Variants in FLII observed in about 807,000 individuals in gnomAD.
The protein encoded by FLII is FLII actin remodeling protein, also known as protein flightless-1 homolog.
FLII carries 101 observed loss-of-function variants against 156.2 expected under a neutral mutation model. That is an observed-to-expected ratio of 0.65 (90% CI 0.55 to 0.76). The LOEUF (loss-of-function observed/expected upper bound fraction) is 0.76, where lower values mean the gene tolerates loss of function less well. FLII is among the 30% of genes least tolerant of loss of function. The pLI is 0.00. For synonymous variants in FLII, 767 were observed against 685.8 expected (o/e 1.12, Z -1.85); for missense variants, 1,675 against 1,682.8 (o/e 1.00, Z 0.08).
chr17:18,254,066 G>C lies in FLII; in HGVS notation c.679+13C>G, dbSNP rs375502328. On this transcript the variant is annotated intron_variant, in intron 7 of 29. Coordinates refer to ENST00000327031, the MANE Select transcript of FLII (RefSeq NM_002018.4). ...GGGGCCCGAGCTCAGAGGGGCTCCT[G>C]GGGCTGCCTGACCTGCGAGGTTGCT... is the stretch of plus-strand genomic sequence containing the variant. 3.1e-6 allele frequency: 5 copies of C among 1,599,234 alleles called. No individual in the cohort carries two copies. Among genetic ancestry groups the C allele is most frequent in the Admixed American group, 3.4e-5 (2 of 58,944 alleles).
rs1338899409 is a variant in FLII, at chr17:18,245,672, G to C, written c.3504-12C>G. 1.9e-6 allele frequency: 3 copies of C among 1,613,164 alleles called. No individual in the cohort carries two copies. The East Asian group carries it at 6.7e-5, about 36-fold the overall frequency. ...TCTCGTTGGAGCACCTGGGAATCAA[G>C]GGTCAAGGTGAGGCCAGAGGTCATA... On this transcript the variant is annotated splice_polypyrimidine_tract_variant and intron_variant, in intron 27 of 29. Transcript: ENST00000327031.
At position 18,258,409 on chromosome 17, in the gene FLII, G is replaced by T. The variant is rs958625124; in HGVS notation, c.63+219C>A. 4.7e-5 allele frequency: 64 copies of T among 1,372,900 alleles called. No homozygotes were observed. Among genetic ancestry groups the T allele is most frequent in the Non-Finnish European group, 6.2e-5 (63 of 1,022,302 alleles). The allele number at this position is 1,372,900 out of a possible 1,614,324, so 85.0% of individuals were successfully genotyped here. A position where few individuals can be genotyped will look rare whatever the true frequency, so the allele number is the denominator to read the frequency against. On this transcript the variant is annotated intron_variant, in intron 1 of 29. Transcript: ENST00000327031. The surrounding 1 kb of genome is among the most constrained non-coding windows in gnomAD (Gnocchi z 4.2). ...CCCCGGCGGGACTCCGAGCCCAAGC[G>T]TCCGTCCCCGGCCTGCCCAGCCTCG...
chr17:18,246,529 C>T, intron 23 of FLII, 65 bp downstream of exon 23: 3 of 1,611,794 alleles, frequency 1.9e-6, no homozygotes, highest in South Asian at 1.1e-5. Flanking sequence ...GCCTAACCTT[C>T]GCTGGGTCTG....
At chr17:18,253,246 TC>T in intron 9 of FLII, 54 bp downstream of exon 9, 6 of 1,598,616 alleles carry the variant, frequency 3.8e-6, no homozygotes, top group South Asian at 1.1e-5. Flanking sequence ...CTGACTACGA[TC>T]CCGGGGTTCT....
At position 18,250,913 on chromosome 17, in the gene FLII, G is replaced by A. The variant is rs1383859420; in HGVS notation, c.1701C>T (p.Asn567=). The A allele has an allele frequency of 4.3e-6, 7 of 1,613,960 alleles. No homozygotes were observed. Among genetic ancestry groups the A allele is most frequent in the Admixed American group, 1.7e-5 (1 of 60,006 alleles). ...ACTCAGCACCCAGGTAGTTGCGCAAGTTGACAGCGTGGATGGCAGAGCAAG... is the reference window on the plus strand; with the variant it reads ...ACTCAGCACCCAGGTAGTTGCGCAAATTGACAGCGTGGATGGCAGAGCAAG... ...KKACSAIHAV[N]LRNYLGAECR... Residue 567 remains asparagine, a synonymous_variant, in exon 14 of 30, where the codon AAC becomes AAT. Coordinates refer to ENST00000327031, the MANE Select transcript of FLII (RefSeq NM_002018.4).
In FLII at chr17:18,254,201, T is replaced by A; in HGVS notation, c.576-19A>T. On this transcript the variant is annotated intron_variant, in intron 6 of 29. Coordinates refer to ENST00000327031, the MANE Select transcript of FLII (RefSeq NM_002018.4). ...GAGCTGCCTGCCAGGGTGACGTGAGTGGTCAGGGCCAGGGCCCACCTAGGG... is the reference window on the plus strand; with the variant it reads ...GAGCTGCCTGCCAGGGTGACGTGAGAGGTCAGGGCCAGGGCCCACCTAGGG... 1 of 1,582,972 alleles carries A rather than the reference T, an allele frequency of 6.3e-7. No homozygotes were observed. The highest frequency in any genetic ancestry group is 8.6e-7 in the Non-Finnish European group (1 of 1,162,840).
chr17:18,255,887 C>T (rs1420116371), intron 3 of FLII, among the ~76,000 whole-genome samples: 1 of 152,176 alleles, frequency 6.6e-6, no homozygotes, highest in Non-Finnish European at 1.5e-5. Flanking sequence ...AAGGTAGAAG[C>T]GATTTGTACA....
In FLII at chr17:18,247,162, C is replaced by T. The variant is rs1286742419; in HGVS notation, c.2676+7G>A. 1.3e-6 allele frequency: 2 copies of T among 1,506,230 alleles called. No individual in the cohort carries two copies. Among genetic ancestry groups the T allele is most frequent in the Non-Finnish European group, 1.8e-6 (2 of 1,125,038 alleles). 93.3% of individuals were successfully genotyped at this position (1,506,230 alleles called of 1,614,324 possible). On this transcript the variant is annotated splice_region_variant and intron_variant, in intron 21 of 29. Coordinates refer to ENST00000327031, the MANE Select transcript of FLII (RefSeq NM_002018.4). ...CCCCCGCGCCCCGGTCCCGGCCCTG[C>T]CCCCACCTCGGCCAGCGACATGGGC...
Position 18,258,387 on chromosome 17 carries a change from C to G in FLII, c.63+241G>C. On this transcript the variant is annotated intron_variant, in intron 1 of 29. Transcript: ENST00000327031. This position sits in a 1 kb window ranked among gnomAD's most constrained non-coding sequence, Gnocchi z 4.2. The stretch of plus-strand genomic sequence containing the variant: ...GGGTGGGGGCTCCCGGCCGGGCCCC[C>G]GGCGGGACTCCGAGCCCAAGCGTCC... The G allele has an allele frequency of 8.5e-7, 1 of 1,182,568 alleles. No individual in the cohort carries two copies. Among genetic ancestry groups the G allele is most frequent in the Non-Finnish European group, 1.2e-6 (1 of 859,332 alleles). The allele number at this position is 1,182,568 out of a possible 1,614,324, so 73.3% of individuals were successfully genotyped here.
chr17:18,245,254 G>T lies in FLII; in HGVS notation c.3694C>A (p.Arg1232=). 1 of 1,613,290 alleles carries T rather than the reference G, an allele frequency of 6.2e-7. No individual in the cohort carries two copies. The highest frequency in any genetic ancestry group is 8.5e-7 in the Non-Finnish European group (1 of 1,179,396). Residue 1232 remains arginine (R), a synonymous_variant, in exon 30 of 30, where the codon CGG becomes AGG. Transcript: ENST00000327031. ...KACQVYIQHM[R]SKEHERPRRL... ...CGCGGCCGCTCATGTTCCTTGGACC[G>T]CATGTGCTGGATATATACCTGGCAA...
Position 18,251,400 on chromosome 17 carries a change from G to A in FLII, c.1461C>T (p.Tyr487=). 1 of 1,613,534 alleles carries A rather than the reference G, an allele frequency of 6.2e-7. No individual in the cohort carries two copies. Among genetic ancestry groups the A allele is most frequent in the Non-Finnish European group, 8.5e-7 (1 of 1,179,994 alleles). The part of the protein sequence containing the change: ...DQGLEKPRLD[Y]SEFFTEDVGQ... ...CCACGTCCTCCGTGAAGAACTCGGA[G>A]TAGTCAAGGCGGGGCTTCTCCAGGC... The change falls in exon 13 of 30, where the codon TAC becomes TAT. Residue 487 remains tyrosine (Y), a synonymous_variant. Transcript: ENST00000327031.
At position 18,246,804 on chromosome 17, in the gene FLII, C is replaced by G. The variant is rs202103078; in HGVS notation, c.2841G>C (p.Glu947Asp). ...CCTTGTCTTCCTTCTTTTCCTCCTC[C>G]TCGTACTCCACAGGCACCCAGTACC... ...LCRYWVPVEY[E>D]EEEKKEDKEE... The change falls in exon 23 of 30, where the codon GAG (glutamate) becomes GAC (aspartate). Residue 947 changes from glutamate (E) to aspartate (D), a missense_variant. Coordinates refer to ENST00000327031, the MANE Select transcript of FLII (RefSeq NM_002018.4). 6.2e-7 allele frequency: 1 copy of G among 1,614,094 alleles called. No homozygotes were observed.
intron 26 of FLII, 32 bp from the exon 27 acceptor site, chr17:18,245,882 C>G: frequency 3.1e-6 from 5 of 1,613,892 alleles, no homozygotes; most frequent in Non-Finnish European, 2.5e-6. Flanking sequence ...CCCAGGGCCC[C>G]TGCCTGCCCT....
Position 18,255,257 on chromosome 17 carries a change from C to T in FLII, c.253G>A (p.Val85Met), listed in dbSNP as rs138000313. The change falls in exon 4 of 30, where the codon GTG becomes ATG. Residue 85 changes from valine to methionine, a missense_variant. Physicochemically the swap from Val to Met is conservative, Grantham distance 21 (BLOSUM62 1). Coordinates refer to ENST00000327031, the MANE Select transcript of FLII (RefSeq NM_002018.4). ...TTCTTCAGACTGTTGGCTCGGGCCA[C>T]GATGGCCTGGGAATAAACCATAAGA... The part of the protein sequence containing the change: ...LSSLPSLRAI[V>M]ARANSLKNSG... 2,468 of 1,613,416 alleles carry T rather than the reference C, an allele frequency of 1.5e-3. 4 individuals are homozygous for T. The highest frequency in any genetic ancestry group is 2.0e-3 in the Non-Finnish European group (2,316 of 1,179,418).
intron 6 of FLII, 24 bp from the exon 7 acceptor site, chr17:18,254,206 A>G (rs1302504687): frequency 1.3e-6 from 2 of 1,566,702 alleles, no homozygotes; most frequent in South Asian, 2.3e-5. Context: ...GTGAGTGGTC[A>G]GGGCCAGGGC....
intron 3 of FLII, among the ~76,000 whole-genome samples, chr17:18,256,279 C>T (rs1281365973): frequency 2.6e-5 from 4 of 152,242 alleles, no homozygotes; most frequent in East Asian, 3.8e-4. Flanking sequence ...TTGTCCATAA[C>T]GGCTGGTAAG....
rs200054775 is a variant in FLII at position 18,251,396 on chromosome 17, C to T, written c.1465G>A (p.Glu489Lys). Reference protein sequence around the residue: ...GLEKPRLDYSEFFTEDVGQLP... With the variant: ...GLEKPRLDYSKFFTEDVGQLP... ...TGGCCCACGTCCTCCGTGAAGAACT[C>T]GGAGTAGTCAAGGCGGGGCTTCTCC... Residue 489 changes from glutamate (E) to lysine (K), a missense_variant, in exon 13 of 30, where the codon GAG (glutamate) becomes AAG (lysine). Physicochemically the swap from Glu to Lys is moderately conservative, Grantham distance 56. Coordinates refer to ENST00000327031, the MANE Select transcript of FLII (RefSeq NM_002018.4). 2.0e-5 allele frequency: 33 copies of T among 1,613,456 alleles called. No homozygotes were observed. The highest frequency in any genetic ancestry group is 1.1e-4 in the East Asian group (5 of 44,896).
rs773372381 is a variant in FLII, at chr17:18,245,505, A to C, written c.3609+50T>G. 4.7e-5 allele frequency: 76 copies of C among 1,610,816 alleles called. 1 individual carries two copies. In the East Asian group the frequency reaches 5.8e-4, roughly 12 times the overall value. ...GGCCCGAGAATTCCCATTTGTAAGT[A>C]AGTCTATGGGCGCCTCCTTGGATGG... On this transcript the variant is annotated intron_variant, in intron 28 of 29. Coordinates refer to ENST00000327031, the MANE Select transcript of FLII (RefSeq NM_002018.4).
intron 2 of FLII, 73 bp from the exon 3 acceptor site, chr17:18,256,670 T>A: frequency 1.5e-6 from 2 of 1,344,558 alleles, no homozygotes; most frequent in South Asian, 2.5e-5. Context: ...CCTCCACAAC[T>A]CTGCACCATC....
Sources: gnomAD v4.1 joint callset for allele counts (sites outside exome capture counted in the v4.1 genomes callset) on GRCh38, gnomAD v4.1.1 for gene constraint, Gnocchi (gnomAD v3.1) non-coding constraint, MANE v1.5 for transcripts, NCBI Gene and HGNC (gene_info 2026-07-23, HGNC 2026-07-21) for gene names.